Variants in CPLX1 observed in about 807,000 individuals in gnomAD.
The protein encoded by CPLX1 is complexin-1.
A neutral mutation model predicts 15.6 loss-of-function variants in CPLX1; 6 were observed. The ratio of observed to expected loss-of-function variants is 0.39; its 90% CI spans 0.21 to 0.76. The LOEUF (loss-of-function observed/expected upper bound fraction) is 0.76, where lower values mean the gene tolerates loss of function less well. CPLX1 is among the 30% of genes least tolerant of loss of function. The probability of loss-of-function intolerance (pLI) is 0.43; values close to 1 mark genes in which losing one functional copy is unlikely to be tolerated. For missense variants in CPLX1, 242 were observed against 188.6 expected (o/e 1.28, Z -1.66); for synonymous variants, 91 against 75.2 (o/e 1.21, Z -1.08).
At chr4:822,241 C>T (rs1038082671) in intron 2 of CPLX1, among the ~76,000 whole-genome samples, 2 of 151,124 alleles carry the variant, frequency 1.3e-5, no homozygotes, top group East Asian at 1.9e-4. Context: ...TCTCTCTCTC[C>T]TTCTGCCTCC....
chr4:795,583 G>A (rs1746309350), intron 2 of CPLX1, among the ~76,000 whole-genome samples: 1 of 152,196 alleles, frequency 6.6e-6, no homozygotes, highest in African/African-American at 2.4e-5. Context: ...TCGACGTACA[G>A]GGGCCGACCC....
At chr4:815,374 G>A (rs1487436868) in intron 2 of CPLX1, among the ~76,000 whole-genome samples, 2 of 126,640 alleles carry the variant, frequency 1.6e-5, no homozygotes, top group Non-Finnish European at 1.5e-5. Context: ...TTGTGCCACC[G>A]CACTCCAGCC....
At chr4:815,532 G>C (rs1458977337) in intron 2 of CPLX1, among the ~76,000 whole-genome samples, 1 of 152,192 alleles carries the variant, frequency 6.6e-6, no homozygotes, top group African/African-American at 2.4e-5. Flanking sequence ...AGGGGCATGG[G>C]GGCAGGTTTG....
chr4:810,341 G>A (rs115788968), intron 2 of CPLX1, among the ~76,000 whole-genome samples: 4,584 of 152,256 alleles, frequency 0.03, 90 homozygotes, highest in Non-Finnish European at 0.046. Context: ...GAGCCACCAC[G>A]CCCGGCCTTG....
chr4:824,303 G>A (rs556308371), intron 2 of CPLX1, among the ~76,000 whole-genome samples, 189 bp downstream of exon 2: 6 of 152,364 alleles, frequency 3.9e-5, no homozygotes, highest in Non-Finnish European at 5.9e-5. Context: ...TCGGGGCCTC[G>A]AAAAGGGCCG....
chr4:821,992 C>T (rs533104758), intron 2 of CPLX1, among the ~76,000 whole-genome samples: 4 of 152,316 alleles, frequency 2.6e-5, no homozygotes, highest in South Asian at 4.1e-4. Flanking sequence ...CACCCTCTGA[C>T]GGGCGTGCAC....
intron 2 of CPLX1, among the ~76,000 whole-genome samples, chr4:807,675 G>T (rs1325545813): frequency 6.6e-6 from 1 of 151,860 alleles, no homozygotes; most frequent in Non-Finnish European, 1.5e-5. Flanking sequence ...TAGAGATGGG[G>T]TTTTCACCAT....
chr4:803,798 T>C (rs1746505263), intron 2 of CPLX1, among the ~76,000 whole-genome samples: 1 of 152,070 alleles, frequency 6.6e-6, no homozygotes. Flanking sequence ...GCCTCTCAAG[T>C]AGCTGGGATT....
intron 2 of CPLX1, among the ~76,000 whole-genome samples, chr4:808,110 T>A (rs1746591673): frequency 6.6e-6 from 1 of 151,908 alleles, no homozygotes; most frequent in South Asian, 2.1e-4. Flanking sequence ...CACAAAAAAA[T>A]TATGAAAAAT....
intron 2 of CPLX1, among the ~76,000 whole-genome samples, chr4:805,763 T>C (rs1215865442): frequency 6.6e-6 from 1 of 152,226 alleles, no homozygotes; most frequent in Non-Finnish European, 1.5e-5. Context: ...TGGAATATTA[T>C]GCAGCCTTAA....
intron 3 of CPLX1, among the ~76,000 whole-genome samples, chr4:788,719 G>T (rs1746076984): frequency 6.6e-6 from 1 of 152,114 alleles, no homozygotes; most frequent in South Asian, 2.1e-4. Context: ...CCAGGGGTGT[G>T]CTGGGGAGAG....
At chr4:807,924 G>A (rs1261810915) in intron 2 of CPLX1, among the ~76,000 whole-genome samples, 1 of 152,098 alleles carries the variant, frequency 6.6e-6, no homozygotes, top group Non-Finnish European at 1.5e-5. Flanking sequence ...CAGAAATAAG[G>A]CTGCATGCTT....
rs1373605731 is a variant in CPLX1 at position 785,387 on chromosome 4, C to A, written c.*1114G>T. 1.3e-5 allele frequency: 2 copies of A among 152,566 alleles called. No homozygotes were observed. Among genetic ancestry groups the A allele is most frequent in the African/African-American group, 2.4e-5 (1 of 41,430 alleles). The allele number at this position is 152,566 out of a possible 1,614,324, so 9.5% of individuals were successfully genotyped here. Reference sequence around the variant, plus strand: ...TCATGAAGGTCAATGCCAAGCCACGCCCTGGCCCGAAACACGTGGAGACTT... The same window carrying A: ...TCATGAAGGTCAATGCCAAGCCACGACCTGGCCCGAAACACGTGGAGACTT... On this transcript the variant is annotated 3_prime_UTR_variant, in exon 4 of 4. Coordinates refer to ENST00000304062, the MANE Select transcript of CPLX1 (RefSeq NM_006651.4).
intron 2 of CPLX1, among the ~76,000 whole-genome samples, chr4:820,308 G>A (rs1163119273): frequency 1.3e-5 from 2 of 152,270 alleles, no homozygotes; most frequent in African/African-American, 4.8e-5. Context: ...GGCCCAATGG[G>A]GCAGGAACTG....
chr4:800,373 G>A (rs1163342656), intron 2 of CPLX1, among the ~76,000 whole-genome samples: 1 of 151,838 alleles, frequency 6.6e-6, no homozygotes, highest in Non-Finnish European at 1.5e-5. Context: ...AGTGGCTCAC[G>A]CCTGTAATCC....
At chr4:787,083 G>A (rs1356703972) in intron 3 of CPLX1, 3 of 985,260 alleles carry the variant, frequency 3.0e-6, no homozygotes, top group Non-Finnish European at 3.6e-6. Flanking sequence ...CAGAGGTGGG[G>A]AGAAACAGTC....
intron 3 of CPLX1, chr4:788,513 G>A (rs3775140): frequency 0.27 from 267,181 of 985,222 alleles, 38,245 homozygotes; most frequent in African/African-American, 0.52. Flanking sequence ...TCTCCTCAGT[G>A]AAACGAAGAG....
chr4:811,734 C>G (rs907832075), intron 2 of CPLX1, among the ~76,000 whole-genome samples: 1 of 152,206 alleles, frequency 6.6e-6, no homozygotes. Context: ...TCAAGCAGGT[C>G]AGCCTGGCTG....
chr4:786,660 G>A lies in CPLX1; in HGVS notation c.246C>T (p.Ala82=), dbSNP rs761532837. 1.9e-6 allele frequency: 3 copies of A among 1,611,366 alleles called. No homozygotes were observed. The highest frequency in any genetic ancestry group is 2.5e-6 in the Non-Finnish European group (3 of 1,178,864). Residue 82 remains alanine (A), a synonymous_variant, in exon 4 of 4, where the codon GCC becomes GCT. Coordinates refer to ENST00000304062, the MANE Select transcript of CPLX1 (RefSeq NM_006651.4). ...IKKKEEREAE[A]QAAMEANSEG... ...CGGAGTTGGCCTCCATGGCGGCCTG[G>A]GCCTCGGCCTCGCGCTCCTCCTTCT...
Sources: allele counts gnomAD v4.1 joint callset (sites outside exome capture counted in the v4.1 genomes callset), GRCh38; gene constraint gnomAD v4.1.1; transcripts MANE v1.5; gene names NCBI Gene and HGNC (gene_info 2026-07-23, HGNC 2026-07-21).